Variants in ZDHHC13 observed in about 807,000 individuals in gnomAD.
ZDHHC13 encodes zDHHC palmitoyltransferase 13.
In ZDHHC13, 85 loss-of-function variants were observed where a neutral mutation model predicts 86.0. That is an observed-to-expected ratio of 0.99 (90% CI 0.83 to 1.18). ZDHHC13 has a LOEUF of 1.18. Among genes scored for constraint, ZDHHC13 ranks in the 50% most tolerant of loss-of-function variants. ZDHHC13 has a pLI of 0.00. For synonymous variants in ZDHHC13, 263 were observed against 246.4 expected (o/e 1.07, Z -0.63); for missense variants, 711 against 730.2 (o/e 0.97, Z 0.30).
At chr11:19,139,468 T>A (rs1310157596) in intron 1 of ZDHHC13, among the ~76,000 whole-genome samples, 1 of 120,678 alleles carries the variant, frequency 8.3e-6, no homozygotes, top group Non-Finnish European at 1.9e-5. Flanking sequence ...AGAATCAATA[T>A]TGTGAAAATG....
intron 1 of ZDHHC13, among the ~76,000 whole-genome samples, chr11:19,132,957 CAT>C (rs1295441297): frequency 1.3e-5 from 2 of 152,120 alleles, no homozygotes; most frequent in Non-Finnish European, 2.9e-5. Flanking sequence ...TTTAACTTAA[CAT>C]ATAGCCAACA....
intron 1 of ZDHHC13, among the ~76,000 whole-genome samples, chr11:19,119,444 C>G (rs1848715160): frequency 1.3e-5 from 2 of 152,212 alleles, no homozygotes; most frequent in Admixed American, 6.5e-5. Flanking sequence ...CGGTCATCCC[C>G]AGCCACACCA....
intron 14 of ZDHHC13, 187 bp downstream of exon 14, chr11:19,166,572 C>T: frequency 2.1e-6 from 1 of 468,250 alleles, no homozygotes; most frequent in East Asian, 3.6e-5. Context: ...GAGGTTAGTT[C>T]TCAGTACTTT....
At chr11:19,126,815 A>G (rs1314861931) in intron 1 of ZDHHC13, among the ~76,000 whole-genome samples, 2 of 152,130 alleles carry the variant, frequency 1.3e-5, no homozygotes, top group African/African-American at 4.8e-5. Flanking sequence ...GCTGCATAGT[A>G]TTCCATGGTT....
At position 19,149,183 on chromosome 11, in the gene ZDHHC13, GCAGACAAGGACATTTACCTATGGT is replaced by G; in HGVS notation, c.375-1_397del. 1 of 1,526,018 alleles carries G rather than the reference GCAGACAAGGACATTTACCTATGGT, an allele frequency of 6.6e-7. No individual in the cohort carries two copies. The highest frequency in any genetic ancestry group is 8.9e-7 in the Non-Finnish European group (1 of 1,125,882). The allele number at this position is 1,526,018 out of a possible 1,614,324, so 94.5% of individuals were successfully genotyped here. A position where few individuals can be genotyped will look rare whatever the true frequency, so the allele number is the denominator to read the frequency against. ...CAGAATGGCTTTTTGTCTTCTATTT[GCAGACAAGGACATTTACCTATGGT>G]CATATTATTACTCCAGCATGGTGCA... On this transcript the variant is annotated splice_acceptor_variant and splice_polypyrimidine_tract_variant and coding_sequence_variant and intron_variant, in exon 5 of 17. Transcript: ENST00000446113. LOFTEE classifies it high-confidence loss of function.
Position 19,155,517 on chromosome 11 carries a change from G to A in ZDHHC13, c.874-279G>A, listed in dbSNP as rs547282903. On this transcript the variant is annotated intron_variant, in intron 8 of 16. Coordinates refer to ENST00000446113, the MANE Select transcript of ZDHHC13 (RefSeq NM_019028.3). Reference sequence around the variant, plus strand: ...AATCGCTTGAACCCAGGAGACAGAGGTTGCAGTGAGCCGAGATCGCACCAT... The same window carrying A: ...AATCGCTTGAACCCAGGAGACAGAGATTGCAGTGAGCCGAGATCGCACCAT... 1.0e-4 allele frequency among the ~76,000 whole-genome samples: 15 copies of A among 148,246 alleles called. No individual in the cohort carries two copies. The South Asian group carries it at 3.2e-3, about 32-fold the overall frequency.
intron 14 of ZDHHC13, 34 bp from the exon 15 acceptor site, chr11:19,170,375 CTT>C (rs55637113): frequency 0.04 from 44,190 of 1,111,750 alleles, no homozygotes; most frequent in East Asian, 0.076. Flanking sequence ...AGTTTATTGC[CTT>C]TTTTTTTTTT....
chr11:19,137,557 C>G (rs1849178357), intron 1 of ZDHHC13, among the ~76,000 whole-genome samples: 1 of 151,716 alleles, frequency 6.6e-6, no homozygotes, highest in Non-Finnish European at 1.5e-5. Flanking sequence ...CAGCTCTGCA[C>G]CAAGCGGACC....
intron 1 of ZDHHC13, among the ~76,000 whole-genome samples, chr11:19,131,544 C>T (rs964370302): frequency 1.3e-5 from 2 of 152,098 alleles, no homozygotes; most frequent in African/African-American, 4.8e-5. Flanking sequence ...GATACTTTTC[C>T]TTGTTGTTTC....
chr11:19,157,355 T>C (rs1394721856), intron 9 of ZDHHC13, among the ~76,000 whole-genome samples: 1 of 152,236 alleles, frequency 6.6e-6, no homozygotes, highest in African/African-American at 2.4e-5. Flanking sequence ...AGATTATGAT[T>C]ATGAGTATTC....
rs1554961794 is a variant in ZDHHC13 at position 19,133,920 on chromosome 11, C to CATATATATATATATATATATAT, written c.28-9056_28-9035dup. On this transcript the variant is annotated intron_variant, in intron 1 of 16. Coordinates refer to ENST00000446113, the MANE Select transcript of ZDHHC13 (RefSeq NM_019028.3). Reference sequence around the variant, plus strand: ...TTCTTTACTCTTTACGAAAGAAGTCCATATATATATATATATATATATACA... The same window carrying CATATATATATATATATATATAT: ...TTCTTTACTCTTTACGAAAGAAGTCCATATATATATATATATATATATATATATATATATATATATATATACA... 6.4e-4 allele frequency among the ~76,000 whole-genome samples: 53 copies of CATATATATATATATATATATAT among 83,318 alleles called. 1 individual carries two copies. The highest frequency in any genetic ancestry group is 9.5e-4 in the South Asian group (2 of 2,098). 54.7% of individuals were successfully genotyped at this position (83,318 alleles called of 152,430 possible).
chr11:19,175,800 C>T (rs775899113), intron 16 of ZDHHC13, 22 bp from the exon 17 acceptor site: 5 of 1,603,626 alleles, frequency 3.1e-6, no homozygotes, highest in Non-Finnish European at 2.6e-6. Flanking sequence ...AAGACATGTT[C>T]TCTTTTTTTT....
chr11:19,126,484 A>G (rs917197639), intron 1 of ZDHHC13, among the ~76,000 whole-genome samples: 9 of 142,990 alleles, frequency 6.3e-5, no homozygotes, highest in African/African-American at 2.4e-4. Flanking sequence ...CTATAGGCAC[A>G]TACCACCACC....
chr11:19,121,422 A>C (rs962818705), intron 1 of ZDHHC13, among the ~76,000 whole-genome samples: 1 of 152,228 alleles, frequency 6.6e-6, no homozygotes, highest in African/African-American at 2.4e-5. Context: ...TCTGTTGTTC[A>C]TTGCCATGTT....
Position 19,176,137 on chromosome 11 carries a change from A to T in ZDHHC13, c.*177A>T. The T allele has an allele frequency of 2.0e-6, 1 of 506,050 alleles. No homozygotes were observed. 31.3% of individuals were successfully genotyped at this position (506,050 alleles called of 1,614,324 possible). On this transcript the variant is annotated 3_prime_UTR_variant, in exon 17 of 17. Transcript: ENST00000446113. ...GGCATTACAATTTTTTAGGTTTAGA[A>T]AGATGGACTTTTCTGATAAATCTTG...
chr11:19,172,044 T>TA, intron 15 of ZDHHC13, among the ~76,000 whole-genome samples: 1 of 152,312 alleles, frequency 6.6e-6, no homozygotes, highest in East Asian at 1.9e-4. Flanking sequence ...TCTAATCCTC[T>TA]GCATTAGGTA....
chr11:19,149,017 G>A (rs1016371891), intron 4 of ZDHHC13, among the ~76,000 whole-genome samples, 170 bp from the exon 5 acceptor site: 4 of 152,106 alleles, frequency 2.6e-5, no homozygotes, highest in African/African-American at 9.7e-5. Context: ...TAAGTTTGCA[G>A]CATCTAAGTT....
chr11:19,136,625 A>G (rs1238770420), intron 1 of ZDHHC13, among the ~76,000 whole-genome samples: 1 of 152,006 alleles, frequency 6.6e-6, no homozygotes, highest in Non-Finnish European at 1.5e-5. Context: ...TGTCAGATTC[A>G]CCAAAGTTGA....
At chr11:19,121,802 T>C (rs747010166) in intron 1 of ZDHHC13, among the ~76,000 whole-genome samples, 1 of 152,124 alleles carries the variant, frequency 6.6e-6, no homozygotes. Context: ...AGAAGGAGCT[T>C]TATGGGTGTA....
Sources: gnomAD v4.1 joint callset for allele counts (sites outside exome capture counted in the v4.1 genomes callset) on GRCh38, gnomAD v4.1.1 for gene constraint, MANE v1.5 for transcripts, NCBI Gene and HGNC (gene_info 2026-07-23, HGNC 2026-07-21) for gene names.